LAMA4: variants seen among roughly 807,000 people sequenced by gnomAD.
The protein encoded by LAMA4 is laminin subunit alpha 4.
A neutral mutation model predicts 207.1 loss-of-function variants in LAMA4; 127 were observed. The observed-to-expected ratio is 0.61, with a 90% CI of 0.53 to 0.71. LAMA4 has a LOEUF of 0.71. LAMA4 is among the 30% of genes least tolerant of loss of function. LAMA4 has a pLI of 0.00. For missense variants in LAMA4, 2,093 were observed against 2,246.5 expected, an observed-to-expected ratio of 0.93 and a Z score of 1.38; for synonymous variants, 761 against 816.0, an observed-to-expected ratio of 0.93 and a Z score of 1.15.
In LAMA4 at chr6:112,148,000, A is replaced by G. The variant is rs183723152; in HGVS notation, c.2353+157T>C. Among the ~76,000 whole-genome samples the G allele has an allele frequency of 2.6e-5, 4 of 152,372 alleles. No homozygotes were observed. The East Asian group carries it at 7.7e-4, about 29-fold the overall frequency. On this transcript the variant is annotated intron_variant, in intron 18 of 38. Transcript: ENST00000230538. ...TTTAGACAGGTATAGATAGATAGATAGATGAACAGTGCAAAAGCTTTTCTT... is the reference window on the plus strand; with the variant it reads ...TTTAGACAGGTATAGATAGATAGATGGATGAACAGTGCAAAAGCTTTTCTT...
intron 2 of LAMA4, among the ~76,000 whole-genome samples, chr6:112,244,021 G>A (rs1195390769): frequency 1.3e-5 from 2 of 152,152 alleles, no homozygotes; most frequent in East Asian, 3.9e-4. Context: ...TTGCACCACT[G>A]CACCCCAGCC....
chr6:112,242,171 T>C lies in LAMA4; in HGVS notation c.195+11785A>G, dbSNP rs115523918. Among the ~76,000 whole-genome samples the C allele has an allele frequency of 7.7e-3, 1,179 of 152,320 alleles. 17 individuals are homozygous for C. Among genetic ancestry groups the C allele is most frequent in the African/African-American group, 0.026 (1,096 of 41,574 alleles). ...AGAGTTAGGTGGGAGTAAAAAAACC[T>C]GCCATGTCATTTCATGTCTTTTCTC... On this transcript the variant is annotated intron_variant, in intron 2 of 38. Transcript: ENST00000230538.
At chr6:112,253,864 G>A in intron 2 of LAMA4, 92 bp downstream of exon 2, 3 of 1,614,230 alleles carry the variant, frequency 1.9e-6, no homozygotes, top group Non-Finnish European at 2.5e-6. Flanking sequence ...CTGGGGAGAG[G>A]AAAGAGGCGG....
intron 13 of LAMA4, 149 bp downstream of exon 13, chr6:112,165,011 T>A: frequency 2.8e-6 from 2 of 707,360 alleles, no homozygotes; most frequent in Non-Finnish European, 5.2e-6. Context: ...GTGGTCATCG[T>A]ACAGTGCAAG....
intron 28 of LAMA4, 34 bp downstream of exon 28, chr6:112,132,719 A>C (rs1219590008): frequency 9.4e-6 from 15 of 1,600,122 alleles, no homozygotes; most frequent in East Asian, 2.2e-5. Context: ...CAATTATCAC[A>C]AAGAAGTTTC....
At chr6:112,161,391 T>C (rs1290879538) in intron 13 of LAMA4, among the ~76,000 whole-genome samples, 3 of 152,244 alleles carry the variant, frequency 2.0e-5, no homozygotes, top group Non-Finnish European at 4.4e-5. Flanking sequence ...TTTACTTTTA[T>C]GGAGGCAGTA....
At chr6:112,227,522 A>G (rs1357975212) in intron 2 of LAMA4, among the ~76,000 whole-genome samples, 1 of 152,236 alleles carries the variant, frequency 6.6e-6, no homozygotes, top group Non-Finnish European at 1.5e-5. Context: ...TTCCATGTCT[A>G]TACCCGGTGA....
At chr6:112,251,020 C>T (rs1050124379) in intron 2 of LAMA4, among the ~76,000 whole-genome samples, 10 of 152,090 alleles carry the variant, frequency 6.6e-5, no homozygotes, top group African/African-American at 2.4e-4. Context: ...CCCAGTCTTC[C>T]CTTTTGAGAA....
chr6:112,241,561 A>C (rs1554187765), intron 2 of LAMA4, among the ~76,000 whole-genome samples: 1 of 152,152 alleles, frequency 6.6e-6, no homozygotes, highest in African/African-American at 2.4e-5. Flanking sequence ...CTTAACTGCT[A>C]TCTGGCTCAT....
rs373646828 is a variant in LAMA4, at chr6:112,117,783, T to C, written c.4937A>G (p.Glu1646Gly). Residue 1646 changes from glutamate (E) to glycine (G), a missense_variant, in exon 35 of 39, where the codon GAA becomes GGA. Transcript: ENST00000230538. The surrounding 1 kb of genome is among the most constrained non-coding windows in gnomAD (Gnocchi z 4.5). ...SVTPCFEGPM[E>G]TGTYFSTEGG... ...TTCTGTTGAAAAGTAAGTTCCTGTT[T>C]CCATGGGGCCTTCAAAGCAAGGGGT... 1.9e-6 allele frequency: 3 copies of C among 1,613,834 alleles called. No individual in the cohort carries two copies. The highest frequency in any genetic ancestry group is 2.5e-6 in the Non-Finnish European group (3 of 1,179,796).
chr6:112,208,801 G>C (rs1484491664), intron 3 of LAMA4, among the ~76,000 whole-genome samples: 10 of 152,282 alleles, frequency 6.6e-5, no homozygotes, highest in Admixed American at 6.5e-5. Context: ...CAGCCATTAG[G>C]TATGAGCAAT....
intron 4 of LAMA4, 49 bp downstream of exon 4, chr6:112,206,972 C>T: frequency 6.2e-7 from 1 of 1,610,122 alleles, no homozygotes; most frequent in Middle Eastern, 1.7e-4. Flanking sequence ...CAAAACAAAA[C>T]AATACATAGA....
chr6:112,206,946 GCAAAACAAAA>G (rs371859889), intron 4 of LAMA4, 65 bp downstream of exon 4: 68 of 1,545,086 alleles, frequency 4.4e-5, no homozygotes, highest in East Asian at 2.0e-4. Flanking sequence ...CTGGGATAAG[GCAAAACAAAA>G]CAAAACAAAA....
intron 18 of LAMA4, among the ~76,000 whole-genome samples, chr6:112,145,174 G>A (rs1434856740): frequency 6.6e-6 from 1 of 152,170 alleles, no homozygotes; most frequent in Admixed American, 6.5e-5. Context: ...TACTCCATTT[G>A]TTATATAACC....
intron 5 of LAMA4, among the ~76,000 whole-genome samples, chr6:112,197,682 C>A (rs528164013): frequency 6.6e-6 from 1 of 152,164 alleles, no homozygotes; most frequent in Non-Finnish European, 1.5e-5. Context: ...TGTCCACTTG[C>A]AAAATGATGT....
intron 12 of LAMA4, chr6:112,166,482 AG>A (rs1781388872): frequency 6.6e-6 from 1 of 152,534 alleles, no homozygotes; most frequent in Non-Finnish European, 1.5e-5. Context: ...AGTTGAAAAA[AG>A]GTTGGTATTA....
At chr6:112,202,715 A>G (rs1179138462) in intron 4 of LAMA4, among the ~76,000 whole-genome samples, 3 of 152,240 alleles carry the variant, frequency 2.0e-5, no homozygotes, top group Non-Finnish European at 4.4e-5. Context: ...AAAACATTCC[A>G]ACAGAATTAC....
At chr6:112,247,944 G>A (rs1453142477) in intron 2 of LAMA4, among the ~76,000 whole-genome samples, 2 of 152,200 alleles carry the variant, frequency 1.3e-5, no homozygotes, top group African/African-American at 4.8e-5. Context: ...CAACATGGGT[G>A]AGCCTCAAAG....
intron 2 of LAMA4, among the ~76,000 whole-genome samples, chr6:112,245,703 G>A (rs564019155): frequency 6.6e-6 from 1 of 151,956 alleles, no homozygotes. Context: ...TTAATGTTAC[G>A]GGATTTCTCT....
Sources: gnomAD v4.1 joint callset for allele counts (sites outside exome capture counted in the v4.1 genomes callset) on GRCh38, gnomAD v4.1.1 for gene constraint, Gnocchi (gnomAD v3.1) non-coding constraint, MANE v1.5 for transcripts, NCBI Gene and HGNC (gene_info 2026-07-23, HGNC 2026-07-21) for gene names.